The following HCN1 variants were observed in gnomAD, a reference collection of about 807,000 sequenced individuals.
The protein encoded by HCN1 is potassium/sodium hyperpolarization-activated cyclic nucleotide-gated channel 1.
In HCN1, 13 loss-of-function variants were observed where a neutral mutation model predicts 78.9. That is an observed-to-expected ratio of 0.16 (90% CI 0.11 to 0.26). HCN1 has a LOEUF of 0.26. HCN1 is among the 10% of genes least tolerant of loss of function. The pLI is 1.00. For synonymous variants in HCN1, 552 were observed against 455.5 expected, an observed-to-expected ratio of 1.21 and a Z score of -2.70; for missense variants, 810 against 1,154.3, an observed-to-expected ratio of 0.70 and a Z score of 4.32.
chr5:45,623,009 T>C (rs1407780647), intron 2 of HCN1, among the ~76,000 whole-genome samples: 1 of 152,026 alleles, frequency 6.6e-6, no homozygotes, highest in African/African-American at 2.4e-5. Flanking sequence ...CTCTTTCTCT[T>C]CTCAACTCCC....
At chr5:45,603,298 G>T (rs181400388) in intron 2 of HCN1, among the ~76,000 whole-genome samples, 11 of 152,062 alleles carry the variant, frequency 7.2e-5, no homozygotes, top group African/African-American at 2.7e-4. Context: ...TATATGGATC[G>T]TAGATGTTCT....
Position 45,259,946 on chromosome 5 carries a change from A to G in HCN1, c.*1975T>C, listed in dbSNP as rs1744698641. ...TGAACAATCCCTTTCTTACAACAGT[A>G]TTCCTGACATGCCATCATATGTCAC... is the stretch of plus-strand genomic sequence containing the variant. On this transcript the variant is annotated 3_prime_UTR_variant, in exon 8 of 8. Coordinates refer to ENST00000303230, the MANE Select transcript of HCN1 (RefSeq NM_021072.4). The G allele has an allele frequency of 6.6e-6, 1 of 152,624 alleles. No homozygotes were observed. The highest frequency in any genetic ancestry group is 2.4e-5 in the African/African-American group (1 of 41,452). 9.5% of individuals were successfully genotyped at this position (152,624 alleles called of 1,614,324 possible). A position where few individuals can be genotyped will look rare whatever the true frequency, so the allele number is the denominator to read the frequency against.
chr5:45,466,738 A>T (rs1741277958), intron 2 of HCN1, among the ~76,000 whole-genome samples: 1 of 152,110 alleles, frequency 6.6e-6, no homozygotes, highest in African/African-American at 2.4e-5. Context: ...GCCCTATTAT[A>T]CCTCTGTGAT....
intron 2 of HCN1, chr5:45,643,170 G>C (rs1202189365): frequency 6.6e-6 from 1 of 152,080 alleles, no homozygotes; most frequent in Non-Finnish European, 1.5e-5. Context: ...CTAGGTGCCT[G>C]TAATTACTGC....
At chr5:45,501,735 C>A (rs182048612) in intron 2 of HCN1, among the ~76,000 whole-genome samples, 1 of 152,136 alleles carries the variant, frequency 6.6e-6, no homozygotes, top group East Asian at 1.9e-4. Context: ...CCACTGTGCC[C>A]AGCCACAAAT....
Position 45,256,956 on chromosome 5 carries a change from C to T in HCN1, c.*4965G>A, listed in dbSNP as rs778057505. ...GGTTCTAGCTCTTATCTTCTTGTAC[C>T]CCTTCCCTGCCGCAATATATTATCT... On this transcript the variant is annotated 3_prime_UTR_variant, in exon 8 of 8. Transcript: ENST00000303230. The T allele has an allele frequency of 6.6e-6, 1 of 152,120 alleles. No homozygotes were observed. The highest frequency in any genetic ancestry group is 1.5e-5 in the Non-Finnish European group (1 of 68,058). 9.4% of individuals were successfully genotyped at this position (152,120 alleles called of 1,614,324 possible).
At chr5:45,358,976 T>C (rs918687187) in intron 4 of HCN1, among the ~76,000 whole-genome samples, 1 of 152,112 alleles carries the variant, frequency 6.6e-6, no homozygotes, top group Admixed American at 6.6e-5. Context: ...TCTTCTGCTC[T>C]AACTCTGACA....
At chr5:45,469,965 A>C (rs1277916377) in intron 2 of HCN1, among the ~76,000 whole-genome samples, 1 of 152,010 alleles carries the variant, frequency 6.6e-6, no homozygotes, top group Non-Finnish European at 1.5e-5. Flanking sequence ...GCCTCCTGTC[A>C]CCATTTTAAG....
chr5:45,349,029 GAC>G (rs1746821884), intron 5 of HCN1, among the ~76,000 whole-genome samples: 1 of 152,164 alleles, frequency 6.6e-6, no homozygotes, highest in African/African-American at 2.4e-5. Flanking sequence ...GGACCTAATA[GAC>G]ATCTACAGAA....
chr5:45,540,549 T>A (rs1743082616), intron 2 of HCN1, among the ~76,000 whole-genome samples: 3 of 152,196 alleles, frequency 2.0e-5, no homozygotes, highest in African/African-American at 7.2e-5. Flanking sequence ...AGGCTGGTCT[T>A]GAACTTCTGT....
At position 45,286,607 on chromosome 5, in the gene HCN1, G is replaced by A. The variant is rs911695035; in HGVS notation, c.1618+16992C>T. 3.3e-5 allele frequency among the ~76,000 whole-genome samples: 5 copies of A among 152,024 alleles called. No homozygotes were observed. The East Asian group carries it at 7.7e-4, about 24-fold the overall frequency. ...CCAATCTGACTGTATTATTGTCAGC[G>A]ACTATCAACTGACTTGTTAGTATTG... On this transcript the variant is annotated intron_variant, in intron 6 of 7. Transcript: ENST00000303230.
chr5:45,635,587 C>G (rs1340850360), intron 2 of HCN1, among the ~76,000 whole-genome samples: 1 of 152,102 alleles, frequency 6.6e-6, no homozygotes, highest in African/African-American at 2.4e-5. Context: ...AAGAATTTAG[C>G]TGTCTTAAAA....
chr5:45,368,989 T>C (rs1212915369), intron 4 of HCN1, among the ~76,000 whole-genome samples: 3 of 152,120 alleles, frequency 2.0e-5, no homozygotes. Flanking sequence ...AGCTAGGTCA[T>C]ATTCCCTCCC....
chr5:45,292,304 A>G lies in HCN1; in HGVS notation c.1618+11295T>C, dbSNP rs541747610. ...CTATTAACATTTAATTCAATTTAAA[A>G]TGATTATAATAAATAAAACCAAATA... On this transcript the variant is annotated intron_variant, in intron 6 of 7. Transcript: ENST00000303230. 3.8e-3 allele frequency among the ~76,000 whole-genome samples: 577 copies of G among 152,128 alleles called. 3 individuals carry two copies. The highest frequency in any genetic ancestry group is 0.013 in the African/African-American group (558 of 41,548).
intron 6 of HCN1, among the ~76,000 whole-genome samples, chr5:45,281,850 C>T (rs1434022345): frequency 4.6e-5 from 7 of 151,790 alleles, no homozygotes; most frequent in African/African-American, 1.2e-4. Flanking sequence ...CCTCAGCCTC[C>T]CAGTGTTGGG....
intron 3 of HCN1, among the ~76,000 whole-genome samples, chr5:45,405,860 C>T (rs1739908150): frequency 6.6e-6 from 1 of 152,068 alleles, no homozygotes; most frequent in African/African-American, 2.4e-5. Context: ...AGAGTGATGT[C>T]TGATTATTTT....
At chr5:45,364,130 C>T (rs1747183933) in intron 4 of HCN1, among the ~76,000 whole-genome samples, 1 of 152,074 alleles carries the variant, frequency 6.6e-6, no homozygotes, top group Non-Finnish European at 1.5e-5. Context: ...TTTCGTGTTT[C>T]TTCTTTGGCT....
chr5:45,285,441 C>A lies in HCN1; in HGVS notation c.1618+18158G>T, dbSNP rs1745248377. ...CGTCTCACTTGGAAGCTGGTGGGAA[C>A]TAGGTGTATTCTTAGGTATTTCTGA... On this transcript the variant is annotated intron_variant, in intron 6 of 7. Coordinates refer to ENST00000303230, the MANE Select transcript of HCN1 (RefSeq NM_021072.4). Among the ~76,000 whole-genome samples, 4 of 152,050 alleles carry A rather than the reference C, an allele frequency of 2.6e-5. No homozygotes were observed. The South Asian group carries it at 8.3e-4, about 32-fold the overall frequency.
Position 45,262,507 on chromosome 5 carries a change from G to C in HCN1, c.2087C>G (p.Pro696Arg). 6.2e-7 allele frequency: 1 copy of C among 1,613,762 alleles called. No homozygotes were observed. Reference protein sequence around the residue: ...QTPQPSAILSPCSYTTAVCSP... With the variant: ...QTPQPSAILSRCSYTTAVCSP... ...GCAGACCGCGGTGGTGTAGGAGCAG[G>C]GTGACAGGATGGCTGATGGCTGGGG... The change falls in exon 8 of 8, where the codon CCC (proline) becomes CGC (arginine). Residue 696 changes from proline (P) to arginine (R), a missense_variant. Pro to Arg is a moderately radical substitution (Grantham distance 103). Coordinates refer to ENST00000303230, the MANE Select transcript of HCN1 (RefSeq NM_021072.4).
Sources: gnomAD v4.1 joint callset for allele counts (sites outside exome capture counted in the v4.1 genomes callset) on GRCh38, gnomAD v4.1.1 for gene constraint, MANE v1.5 for transcripts, NCBI Gene and HGNC (gene_info 2026-07-23, HGNC 2026-07-21) for gene names.